TMEM63C: variants seen among roughly 807,000 people sequenced by gnomAD.
TMEM63C encodes transmembrane protein 63C, also known as osmosensitive cation channel TMEM63C.
In TMEM63C, 32 loss-of-function variants were observed where a neutral mutation model predicts 99.2. The observed-to-expected ratio is 0.32, with a 90% CI of 0.24 to 0.43. The LOEUF is 0.43. Ranked by LOEUF, TMEM63C falls within the 20% of genes least tolerant of loss-of-function variation. The pLI, the probability that TMEM63C is intolerant of heterozygous loss-of-function variation, is 1.00. For missense variants in TMEM63C, 826 were observed against 1,053.0 expected (o/e 0.78, Z 2.98); for synonymous variants, 376 against 397.9 (o/e 0.94, Z 0.66).
chr14:77,217,507 G>A (rs1009169440), intron 2 of TMEM63C, among the ~76,000 whole-genome samples: 3 of 152,236 alleles, frequency 2.0e-5, no homozygotes, highest in African/African-American at 7.2e-5. Context: ...ATATTCAAAT[G>A]CATCAATGAA....
At chr14:77,202,857 ACACACACACG>A (rs749712418) in intron 1 of TMEM63C, among the ~76,000 whole-genome samples, 7 of 77,194 alleles carry the variant, frequency 9.1e-5, no homozygotes, top group East Asian at 2.2e-3. Context: ...ACACACACAC[ACACACACACG>A]CACACACACC....
chr14:77,248,530 G>A, intron 19 of TMEM63C, 21 bp downstream of exon 19: 7 of 1,568,644 alleles, frequency 4.5e-6, no homozygotes, highest in Non-Finnish European at 6.1e-6. Flanking sequence ...GCTCTCCGCT[G>A]AGCACAGCCC....
chr14:77,237,465 C>T (rs1027997127), intron 9 of TMEM63C, among the ~76,000 whole-genome samples: 5 of 151,888 alleles, frequency 3.3e-5, no homozygotes, highest in Admixed American at 2.6e-4. Context: ...CAAAGGCAAC[C>T]AAAAAAAGGG....
At chr14:77,239,281 T>TGAA in intron 10 of TMEM63C, 131 bp from the exon 11 acceptor site, 2 of 827,498 alleles carry the variant, frequency 2.4e-6, no homozygotes, top group South Asian at 3.2e-5. Context: ...GGAGCAGAGA[T>TGAA]GGAGTATCCC....
intron 22 of TMEM63C, 115 bp downstream of exon 22, chr14:77,252,013 T>G (rs1889371078): frequency 1.1e-6 from 1 of 882,016 alleles, no homozygotes; most frequent in Non-Finnish European, 1.9e-6. Flanking sequence ...GGTCTCGCCT[T>G]TGTCTCTGAC....
chr14:77,186,337 A>G (rs1485331463), intron 1 of TMEM63C, among the ~76,000 whole-genome samples: 1 of 152,104 alleles, frequency 6.6e-6, no homozygotes, highest in Non-Finnish European at 1.5e-5. Flanking sequence ...TGATGACACC[A>G]AACAATGTTC....
At chr14:77,225,587 C>A in intron 6 of TMEM63C, 126 bp downstream of exon 6, 2 of 920,154 alleles carry the variant, frequency 2.2e-6, no homozygotes, top group Admixed American at 2.7e-5. Context: ...CTCCCCGCCA[C>A]CTCGGCCCAT....
chr14:77,207,038 G>T (rs1888414366), intron 1 of TMEM63C, among the ~76,000 whole-genome samples: 1 of 152,182 alleles, frequency 6.6e-6, no homozygotes, highest in South Asian at 2.1e-4. Flanking sequence ...CAGGGGCCTG[G>T]GTGACTGTGA....
intron 1 of TMEM63C, among the ~76,000 whole-genome samples, chr14:77,194,545 C>CTGTCTTTCTT (rs1888178797): frequency 3.8e-5 from 1 of 26,182 alleles, no homozygotes; most frequent in Non-Finnish European, 8.1e-5. Context: ...TTCTTTCTTT[C>CTGTCTTTCTT]TTTCTTTCTC....
chr14:77,248,826 C>T lies in TMEM63C; in HGVS notation c.1824C>T (p.Ser608=), dbSNP rs749110240. ...REYAWMMNVF[S]VVMAYSITCP... ...ATGCGTGGATGATGAACGTGTTCAG[C>T]GTGGTGATGGCGTACAGCATCACTT... Residue 608 remains serine, a synonymous_variant, in exon 20 of 24, where the codon AGC becomes AGT. Transcript: ENST00000298351. 3.1e-6 allele frequency: 5 copies of T among 1,614,026 alleles called. No homozygotes were observed. The highest frequency in any genetic ancestry group is 2.2e-5 in the East Asian group (1 of 44,884).
chr14:77,214,340 T>C (rs373320), intron 2 of TMEM63C, among the ~76,000 whole-genome samples: 151,902 of 152,152 alleles, frequency 1, 75,827 homozygotes, highest in Middle Eastern at 1. Context: ...GAGCGATGAG[T>C]GAGCGTTGGA....
At chr14:77,210,754 A>G (rs1260394769) in intron 1 of TMEM63C, among the ~76,000 whole-genome samples, 4 of 152,220 alleles carry the variant, frequency 2.6e-5, no homozygotes, top group Non-Finnish European at 4.4e-5. Context: ...GTTTAAGTCC[A>G]GAACCATGGG....
intron 15 of TMEM63C, 43 bp from the exon 16 acceptor site, chr14:77,244,306 T>C (rs1414282130): frequency 1.4e-6 from 2 of 1,421,194 alleles, no homozygotes; most frequent in Non-Finnish European, 2.0e-6. Flanking sequence ...AGAGGATGCT[T>C]GCATTGACGT....
chr14:77,219,705 G>C, intron 4 of TMEM63C, 128 bp downstream of exon 4: 1 of 953,236 alleles, frequency 1.0e-6, no homozygotes, highest in South Asian at 1.4e-5. Context: ...CTCTGCCCCT[G>C]CTCTGCCCTC....
chr14:77,193,067 T>C (rs542015366), intron 1 of TMEM63C, among the ~76,000 whole-genome samples: 1 of 152,330 alleles, frequency 6.6e-6, no homozygotes, highest in East Asian at 1.9e-4. Context: ...TGCCTTAATT[T>C]AGAAAAACTT....
At chr14:77,240,241 C>T (rs1014202499) in intron 12 of TMEM63C, among the ~76,000 whole-genome samples, 7 of 152,224 alleles carry the variant, frequency 4.6e-5, no homozygotes, top group Middle Eastern at 3.2e-3. Context: ...TGAAAGCCCC[C>T]GGGTACCCCT....
intron 1 of TMEM63C, among the ~76,000 whole-genome samples, chr14:77,194,548 T>C (rs1888179284): frequency 5.8e-5 from 1 of 17,164 alleles, no homozygotes; most frequent in Non-Finnish European, 1.2e-4. Context: ...TTTCTTTCTT[T>C]CTTTCTCTTT....
At chr14:77,202,289 T>TAC (rs59017859) in intron 1 of TMEM63C, among the ~76,000 whole-genome samples, 3,824 of 149,566 alleles carry the variant, frequency 0.026, 138 homozygotes, top group East Asian at 0.093. Context: ...CATACTCAGA[T>TAC]ACACACACAC....
At chr14:77,239,818 G>C (rs1337596823) in intron 12 of TMEM63C, 92 bp downstream of exon 12, 2 of 1,509,826 alleles carry the variant, frequency 1.3e-6, no homozygotes, top group African/African-American at 2.7e-5. Context: ...TTGGGCCCCA[G>C]GCCTCACTCA....
Sources: gnomAD v4.1 joint callset for allele counts (sites outside exome capture counted in the v4.1 genomes callset) on GRCh38, gnomAD v4.1.1 for gene constraint, MANE v1.5 for transcripts, NCBI Gene and HGNC (gene_info 2026-07-23, HGNC 2026-07-21) for gene names.